IGSF5: variants seen among roughly 807,000 people sequenced by gnomAD.
The protein encoded by IGSF5 is immunoglobulin superfamily member 5, also known as immunoglobulin superfamily 5 like.
Under a neutral mutation model 39.4 loss-of-function variants are expected in IGSF5, and 41 were observed. That is an observed-to-expected ratio of 1.04 (90% confidence interval 0.81 to 1.35). The LOEUF is 1.35. Among genes scored for constraint, IGSF5 ranks in the 40% most tolerant of loss-of-function variants. The pLI, the probability that IGSF5 is intolerant of heterozygous loss-of-function variation, is 0.00. For synonymous variants in IGSF5, 183 were observed against 175.3 expected (o/e 1.04, Z -0.34); for missense variants, 487 against 494.6 (o/e 0.98, Z 0.15).
chr21:39,766,513 C>A (rs989539451), intron 3 of IGSF5, among the ~76,000 whole-genome samples: 7 of 152,132 alleles, frequency 4.6e-5, no homozygotes, highest in African/African-American at 1.7e-4. Flanking sequence ...ATTTCTCTAC[C>A]CTGCCTCCAA....
At chr21:39,737,878 T>G in the IGSF5 span, among the ~76,000 whole-genome samples, 1 of 152,170 alleles carries the variant, frequency 6.6e-6, no homozygotes, top group African/African-American at 2.4e-5. Flanking sequence ...CTTTCTGGAA[T>G]GAGGGCCTTA....
At position 39,771,168 on chromosome 21, in the gene IGSF5, C is replaced by T. The variant is rs775753878; in HGVS notation, c.671C>T (p.Ala224Val). 1.9e-6 allele frequency: 3 copies of T among 1,600,864 alleles called. No individual in the cohort carries two copies. In the South Asian group the frequency reaches 3.4e-5, roughly 18 times the overall value. The change falls in exon 4 of 9, where the codon GCC (alanine) becomes GTC (valine). Residue 224 changes from alanine (A) to valine (V), a missense_variant. Transcript: ENST00000380588. ...TCVATWKSLK[A>V]RKSATVNLTV... ...GTGGCTACCTGGAAGAGCCTGAAGGCCCGCAAGTCTGCAACTGTAAATCTC... is the reference window on the plus strand; with the variant it reads ...GTGGCTACCTGGAAGAGCCTGAAGGTCCGCAAGTCTGCAACTGTAAATCTC...
At chr21:39,737,652 G>A in the IGSF5 span, among the ~76,000 whole-genome samples, 6 of 152,342 alleles carry the variant, frequency 3.9e-5, no homozygotes, top group South Asian at 1.0e-3. Flanking sequence ...GTGGGAAGGG[G>A]GGCGGAGCTT....
chr21:39,721,673 CCCTTCCTTCCTTCCTTCCTT>C, the IGSF5 span, among the ~76,000 whole-genome samples: 2,518 of 140,946 alleles, frequency 0.018, 30 homozygotes, highest in Non-Finnish European at 0.026. Flanking sequence ...GGCCATCTGT[CCCTTCCTTCCTTCCTTCCTT>C]CCTTCCTTCC....
chr21:39,770,830 TA>T (rs902069578), intron 3 of IGSF5, 85 bp from the exon 4 acceptor site: 22,461 of 786,530 alleles, frequency 0.029, 11 homozygotes, highest in South Asian at 0.032. Context: ...AAGCAAAACT[TA>T]AAAAAAAAAA....
intron 2 of IGSF5, among the ~76,000 whole-genome samples, chr21:39,754,757 C>T (rs185977029): frequency 6.6e-6 from 1 of 152,260 alleles, no homozygotes; most frequent in East Asian, 1.9e-4. Flanking sequence ...TCAGACTACC[C>T]CATAGGGATA....
intron 3 of IGSF5, among the ~76,000 whole-genome samples, chr21:39,769,257 C>G (rs1283576613): frequency 6.6e-6 from 1 of 152,146 alleles, no homozygotes; most frequent in African/African-American, 2.4e-5. Flanking sequence ...GGGCAGCTCA[C>G]TTGAGCCCAG....
At chr21:39,775,989 ACT>A (rs1488619401) in intron 4 of IGSF5, among the ~76,000 whole-genome samples, 1 of 151,916 alleles carries the variant, frequency 6.6e-6, no homozygotes, top group Non-Finnish European at 1.5e-5. Flanking sequence ...TTACTTAGTC[ACT>A]CTGTCCTGAG....
chr21:39,728,604 C>T, the IGSF5 span, among the ~76,000 whole-genome samples: 3 of 152,270 alleles, frequency 2.0e-5, no homozygotes, highest in Middle Eastern at 3.4e-3. Flanking sequence ...CTTTCTGCTT[C>T]CTCTCTCGTG....
intron 5 of IGSF5, among the ~76,000 whole-genome samples, chr21:39,780,696 A>G (rs903743821): frequency 1.3e-5 from 2 of 152,194 alleles, no homozygotes; most frequent in African/African-American, 4.8e-5. Context: ...CATCGTATGA[A>G]AGCAGTAGCC....
At chr21:39,755,898 G>A (rs1244811287) in intron 2 of IGSF5, among the ~76,000 whole-genome samples, 1 of 152,036 alleles carries the variant, frequency 6.6e-6, no homozygotes, top group Admixed American at 6.5e-5. Flanking sequence ...GAGGTCAGGA[G>A]TTTGAGACCA....
chr21:39,746,856 G>A (rs2837148), intron 2 of IGSF5, among the ~76,000 whole-genome samples: 46,526 of 151,976 alleles, frequency 0.31, 8,802 homozygotes, highest in Admixed American at 0.49. Context: ...GCCTCTATTC[G>A]CCCTTCAAGT....
At chr21:39,773,181 T>A (rs555419446) in intron 4 of IGSF5, among the ~76,000 whole-genome samples, 3 of 152,232 alleles carry the variant, frequency 2.0e-5, no homozygotes, top group Admixed American at 6.5e-5. Context: ...CTATGTATCC[T>A]TGTGTTCTCA....
In IGSF5 at chr21:39,748,343, C is replaced by G. The variant is rs189053846; in HGVS notation, c.100+2045C>G. On this transcript the variant is annotated intron_variant, in intron 2 of 8. Coordinates refer to ENST00000380588, the MANE Select transcript of IGSF5 (RefSeq NM_001080444.2). The stretch of plus-strand genomic sequence containing the variant: ...TTTTTTTTTTTGAGACAGCGTCTCT[C>G]TCTGTCACCCAGGCTGGAGTGCAGT... Among the ~76,000 whole-genome samples, 49 of 107,742 alleles carry G rather than the reference C, an allele frequency of 4.5e-4. No homozygotes were observed. The East Asian group carries it at 0.011, about 24-fold the overall frequency. 70.7% of individuals were successfully genotyped at this position (107,742 alleles called of 152,430 possible).
upstream of IGSF5, among the ~76,000 whole-genome samples, chr21:39,741,128 T>C (rs2079947042): frequency 6.6e-6 from 1 of 152,060 alleles, no homozygotes. Context: ...TTGTGACATA[T>C]GAGGAAAAGT....
intron 6 of IGSF5, chr21:39,791,780 C>A: frequency 2.2e-6 from 1 of 460,244 alleles, no homozygotes; most frequent in Non-Finnish European, 3.9e-6. Context: ...GGAGTAGAGT[C>A]CATGGACCAG....
intron 4 of IGSF5, among the ~76,000 whole-genome samples, chr21:39,771,545 C>G (rs2080114997): frequency 6.6e-6 from 1 of 152,136 alleles, no homozygotes; most frequent in Non-Finnish European, 1.5e-5. Context: ...ACCACTGTTT[C>G]AGTTTGATCC....
At position 39,788,360 on chromosome 21, in the gene IGSF5, T is replaced by C. The variant is rs117474157; in HGVS notation, c.956+172T>C. Among the ~76,000 whole-genome samples the C allele has an allele frequency of 7.6e-4, 116 of 152,316 alleles. 1 individual carries two copies. The East Asian group carries it at 0.02, about 26-fold the overall frequency. ...AACACGTATGCCGATCACAAACTCATAGGGCAACATGAACTGTGGGATGAA... is the reference window on the plus strand; with the variant it reads ...AACACGTATGCCGATCACAAACTCACAGGGCAACATGAACTGTGGGATGAA... On this transcript the variant is annotated intron_variant, in intron 6 of 8. Transcript: ENST00000380588.
At chr21:39,739,584 C>CCTGT in the IGSF5 span, among the ~76,000 whole-genome samples, 10 of 152,120 alleles carry the variant, frequency 6.6e-5, no homozygotes. Context: ...TCCAGCTAGT[C>CCTGT]CTGTCTGTCA....
Sources: gnomAD v4.1 joint callset for allele counts (sites outside exome capture counted in the v4.1 genomes callset) on GRCh38, gnomAD v4.1.1 for gene constraint, MANE v1.5 for transcripts, NCBI Gene and HGNC (gene_info 2026-07-23, HGNC 2026-07-21) for gene names.